Variants in USP14 observed in about 807,000 individuals in gnomAD.
USP14 encodes ubiquitin specific peptidase 14.
USP14 carries 38 observed loss-of-function variants against 76.5 expected under a neutral mutation model. The observed-to-expected ratio is 0.50, with a 90% CI of 0.38 to 0.65. The LOEUF (loss-of-function observed/expected upper bound fraction) is 0.65, where lower values mean the gene tolerates loss of function less well. Ranked by LOEUF, USP14 falls within the 30% of genes least tolerant of loss-of-function variation. The pLI, the probability that USP14 is intolerant of heterozygous loss-of-function variation, is 0.00. For missense variants in USP14, 467 were observed against 586.5 expected, an observed-to-expected ratio of 0.80 and a Z score of 2.10; for synonymous variants, 192 against 191.7, an observed-to-expected ratio of 1.00 and a Z score of -0.01.
chr18:173,333 T>G (rs565248472), intron 3 of USP14, among the ~76,000 whole-genome samples: 187 of 152,002 alleles, frequency 1.2e-3, no homozygotes, highest in Middle Eastern at 3.4e-3. Flanking sequence ...GGATGGTCTC[T>G]ATCTCCTGAC....
intron 10 of USP14, 127 bp downstream of exon 10, chr18:199,443 GC>G (rs777548834): frequency 2.1e-5 from 13 of 633,064 alleles, no homozygotes; most frequent in Non-Finnish European, 3.0e-5. Context: ...ATTTTGAGTT[GC>G]CCGATACACA....
At chr18:183,763 CTTG>C (rs772735287) in intron 5 of USP14, among the ~76,000 whole-genome samples, 8 of 142,264 alleles carry the variant, frequency 5.6e-5, no homozygotes, top group African/African-American at 7.8e-5. Context: ...TTTTTTTTTC[CTTG>C]TTGTTTGGCC....
intron 3 of USP14, among the ~76,000 whole-genome samples, chr18:176,447 A>G (rs1038485641): frequency 6.6e-6 from 1 of 152,104 alleles, no homozygotes; most frequent in Non-Finnish European, 1.5e-5. Flanking sequence ...GCCACCACAC[A>G]TGGCTTGGTT....
intron 2 of USP14, among the ~76,000 whole-genome samples, chr18:164,333 A>G (rs1009999525): frequency 6.6e-6 from 1 of 152,166 alleles, no homozygotes; most frequent in Admixed American, 6.6e-5. Context: ...AATTTTGTAC[A>G]TGCATTTGTA....
chr18:168,631 C>T (rs903973199), intron 3 of USP14, among the ~76,000 whole-genome samples: 5 of 151,978 alleles, frequency 3.3e-5, no homozygotes, highest in Admixed American at 6.5e-5. Context: ...GACAGGGTTT[C>T]GCAACGTTGG....
At position 162,702 on chromosome 18, in the gene USP14, A is replaced by G. The variant is rs1909155093; in HGVS notation, c.17-606A>G. On this transcript the variant is annotated intron_variant, in intron 1 of 15. Transcript: ENST00000261601. Reference sequence around the variant, plus strand: ...ACTTATCATTTTGGGAAATATTTCAATATGATCATATTGTTGGAGTAGGAT... The same window carrying G: ...ACTTATCATTTTGGGAAATATTTCAGTATGATCATATTGTTGGAGTAGGAT... Among the ~76,000 whole-genome samples the G allele has an allele frequency of 2.0e-5, 3 of 152,304 alleles. No individual in the cohort carries two copies. In the South Asian group the frequency reaches 6.2e-4, roughly 32 times the overall value.
At chr18:182,958 C>T (rs1017064048) in intron 5 of USP14, among the ~76,000 whole-genome samples, 10 of 151,986 alleles carry the variant, frequency 6.6e-5, no homozygotes, top group Admixed American at 5.2e-4. Context: ...GTGTTGTGGG[C>T]GAAGAGAAAC....
intron 10 of USP14, among the ~76,000 whole-genome samples, chr18:201,998 T>C (rs1312537410): frequency 6.6e-6 from 1 of 152,370 alleles, no homozygotes; most frequent in East Asian, 1.9e-4. Flanking sequence ...TCCACAGTGA[T>C]TCCTTTTGTA....
chr18:202,817 T>G (rs1910418649), intron 10 of USP14, 63 bp from the exon 11 acceptor site: 1 of 1,540,170 alleles, frequency 6.5e-7, no homozygotes, highest in Non-Finnish European at 8.9e-7. Context: ...CTGGTGTGAT[T>G]CTATATTGCA....
intron 2 of USP14, among the ~76,000 whole-genome samples, chr18:165,137 C>T (rs913456752): frequency 6.6e-6 from 1 of 151,904 alleles, no homozygotes; most frequent in African/African-American, 2.4e-5. Flanking sequence ...TTGGTAGAGA[C>T]AGTGTTTCAC....
intron 1 of USP14, chr18:162,960 G>C (rs1598261217): frequency 6.2e-6 from 1 of 162,386 alleles, no homozygotes; most frequent in East Asian, 1.8e-4. Flanking sequence ...ACCACACCTG[G>C]CTAATTTTTG....
At chr18:169,922 C>A (rs1909394937) in intron 3 of USP14, among the ~76,000 whole-genome samples, 1 of 152,120 alleles carries the variant, frequency 6.6e-6, no homozygotes, top group Non-Finnish European at 1.5e-5. Context: ...TGTCTTCTGA[C>A]AGCCTCACCG....
rs1250576825 is a variant in USP14, at chr18:214,621, A to AG, written c.*3338dup. On this transcript the variant is annotated 3_prime_UTR_variant, in exon 16 of 16. Coordinates refer to ENST00000261601, the MANE Select transcript of USP14 (RefSeq NM_005151.4). ...CAGTTTTAATAAAAAGAAAAAAAAA[A>AG]GAAGCTAACTATTTGTCTCATTGTC... 1.9e-6 allele frequency: 3 copies of AG among 1,583,324 alleles called. No individual in the cohort carries two copies. The highest frequency in any genetic ancestry group is 2.6e-6 in the Non-Finnish European group (3 of 1,166,730).
intron 1 of USP14, among the ~76,000 whole-genome samples, chr18:159,770 CCT>C (rs1909064722): frequency 1.3e-5 from 2 of 152,066 alleles, no homozygotes; most frequent in Admixed American, 6.6e-5. Context: ...AAACAAAACC[CCT>C]CTGTTTCCTC....
intron 1 of USP14, among the ~76,000 whole-genome samples, chr18:160,339 T>A (rs1457300537): frequency 6.6e-6 from 1 of 151,982 alleles, no homozygotes; most frequent in African/African-American, 2.4e-5. Context: ...ATATCTAGAT[T>A]ATTAAATGGT....
At chr18:180,879 A>G (rs1281251981) in intron 5 of USP14, among the ~76,000 whole-genome samples, 8 of 146,362 alleles carry the variant, frequency 5.5e-5, no homozygotes, top group African/African-American at 2.0e-4. Flanking sequence ...AGCACACGTA[A>G]CACCTCATTC....
Position 209,572 on chromosome 18 carries a change from A to G in USP14, c.1165-399A>G, listed in dbSNP as rs575106925. Among the ~76,000 whole-genome samples, 3 of 152,288 alleles carry G rather than the reference A, an allele frequency of 2.0e-5. No homozygotes were observed. In the East Asian group the frequency reaches 5.8e-4, roughly 29 times the overall value. Reference sequence around the variant, plus strand: ...AGGAGGTTTAATACAAATTGCAGGAATTCTTGTTTTAGAGGTAGTTGTTTT... The same window carrying G: ...AGGAGGTTTAATACAAATTGCAGGAGTTCTTGTTTTAGAGGTAGTTGTTTT... On this transcript the variant is annotated intron_variant, in intron 13 of 15. Coordinates refer to ENST00000261601, the MANE Select transcript of USP14 (RefSeq NM_005151.4).
chr18:205,175 C>T (rs1245124985), intron 13 of USP14, among the ~76,000 whole-genome samples: 1 of 152,098 alleles, frequency 6.6e-6, no homozygotes, highest in Non-Finnish European at 1.5e-5. Context: ...CCACACCTGG[C>T]CTTTAGGTGT....
rs1168097200 is a variant in USP14, at chr18:212,820, T to C, written c.*1536T>C. The C allele has an allele frequency of 6.6e-6, 1 of 152,230 alleles. No individual in the cohort carries two copies. Among genetic ancestry groups the C allele is most frequent in the Non-Finnish European group, 1.5e-5 (1 of 68,042 alleles). The allele number at this position is 152,230 out of a possible 1,614,324, so 9.4% of individuals were successfully genotyped here. A position where few individuals can be genotyped will look rare whatever the true frequency, so the allele number is the denominator to read the frequency against. ...AGTTTGGCTCTGATTTTGAGTTATT[T>C]ATAATAAAGTTTGGGGATTATCATA... On this transcript the variant is annotated 3_prime_UTR_variant, in exon 16 of 16. Coordinates refer to ENST00000261601, the MANE Select transcript of USP14 (RefSeq NM_005151.4).
Sources: allele counts gnomAD v4.1 joint callset (sites outside exome capture counted in the v4.1 genomes callset), GRCh38; gene constraint gnomAD v4.1.1; transcripts MANE v1.5; gene names NCBI Gene and HGNC (gene_info 2026-07-23, HGNC 2026-07-21).